The following ELMOD3 variants were observed in gnomAD, a reference collection of about 807,000 sequenced individuals.
ELMOD3 encodes the protein ELMO domain-containing protein 3.
In ELMOD3, 36 loss-of-function variants were observed where a neutral mutation model predicts 47.4. That is an observed-to-expected ratio of 0.76 (90% CI 0.58 to 1.00). The LOEUF (loss-of-function observed/expected upper bound fraction) is 1.00, where lower values mean the gene tolerates loss of function less well. Ranked by LOEUF, ELMOD3 falls within the 50% of genes least tolerant of loss-of-function variation. The pLI is 0.00. For synonymous variants in ELMOD3, 149 were observed against 183.5 expected, an observed-to-expected ratio of 0.81 and a Z score of 1.52; for missense variants, 404 against 463.8, an observed-to-expected ratio of 0.87 and a Z score of 1.18.
chr2:85,373,002 C>T (rs1024941034), intron 10 of ELMOD3: 1 of 151,976 alleles, frequency 6.6e-6, no homozygotes, highest in South Asian at 2.1e-4. Flanking sequence ...CTCCTGTAAT[C>T]CCAGCACATT....
chr2:85,373,327 G>T (rs1395529360), intron 10 of ELMOD3, among the ~76,000 whole-genome samples: 2 of 152,114 alleles, frequency 1.3e-5, no homozygotes, highest in African/African-American at 4.8e-5. Flanking sequence ...ATGGCAACAT[G>T]GTTAAGTCCC....
At chr2:85,384,587 C>A (rs913583863) in intron 11 of ELMOD3, among the ~76,000 whole-genome samples, 1 of 152,014 alleles carries the variant, frequency 6.6e-6, no homozygotes, top group African/African-American at 2.4e-5. Context: ...GCAATCCCTC[C>A]ATTTTATTTT....
intron 11 of ELMOD3, among the ~76,000 whole-genome samples, chr2:85,384,483 C>A (rs1002002356): frequency 6.6e-6 from 1 of 152,154 alleles, no homozygotes; most frequent in Non-Finnish European, 1.5e-5. Flanking sequence ...ACAGACTTAC[C>A]AACAGGCCAG....
chr2:85,362,988 C>A, intron 5 of ELMOD3, 109 bp from the exon 6 acceptor site: 1 of 678,928 alleles, frequency 1.5e-6, no homozygotes, highest in South Asian at 1.7e-5. Context: ...CACACTAGGT[C>A]CTTTTGGCCT....
At chr2:85,368,544 C>A in intron 6 of ELMOD3, 142 bp from the exon 7 acceptor site, 1 of 679,228 alleles carries the variant, frequency 1.5e-6, no homozygotes, top group Non-Finnish European at 2.5e-6. Flanking sequence ...ATAGCCACTG[C>A]ACTCCAGCCT....
At chr2:85,364,825 A>ATATATAT (rs375582916) in intron 6 of ELMOD3, among the ~76,000 whole-genome samples, 17 of 69,892 alleles carry the variant, frequency 2.4e-4, no homozygotes, top group African/African-American at 8.7e-4. Flanking sequence ...ATATATATAT[A>ATATATAT]TTTTTTTTTT....
chr2:85,355,975 C>T (rs190233187), intron 3 of ELMOD3: 3 of 152,372 alleles, frequency 2.0e-5, no homozygotes, highest in African/African-American at 7.2e-5. Context: ...GAGGGCTGAC[C>T]TCATAGAGAG....
chr2:85,356,929 A>C, intron 3 of ELMOD3, 38 bp from the exon 4 acceptor site: 6 of 247,744 alleles, frequency 2.4e-5, no homozygotes, highest in East Asian at 7.7e-5. Flanking sequence ...TGGTGAAACC[A>C]GTTTTCTTTT....
rs753285939 is a variant in ELMOD3, at chr2:85,360,266, C to CAAAAAAAAAAAAAAAAAAA, written c.55-1918_55-1900dup. ...GGGCAACAAGAGCAAAACTCCATCT[C>CAAAAAAAAAAAAAAAAAAA]AAAAAAAAAAAAAAAAAAAAGCCAC... On this transcript the variant is annotated intron_variant, in intron 4 of 13. Transcript: ENST00000409013. Among the ~76,000 whole-genome samples, 2 of 51,480 alleles carry CAAAAAAAAAAAAAAAAAAA rather than the reference C, an allele frequency of 3.9e-5. 1 individual carries two copies. The highest frequency in any genetic ancestry group is 1.6e-4 in the African/African-American group (2 of 12,500). The allele number at this position is 51,480 out of a possible 152,430, so 33.8% of individuals were successfully genotyped here.
Position 85,369,739 on chromosome 2 carries a change from G to A in ELMOD3, c.269G>A (p.Gly90Glu). The change falls in exon 8 of 14, where the codon GGG becomes GAG. Residue 90 changes from glycine to glutamate, a missense_variant and splice_region_variant. Physicochemically the swap from Gly to Glu is moderately conservative, Grantham distance 98 (BLOSUM62 -2). Transcript: ENST00000409013. ...EAVDTIQPET[G>E]SQASSEQPGQ... ...TGGCATGTCTTCCGTTTTGCCACAG[G>A]GAGCCAAGCTAGCTCAGAGCAGCCT... 3 of 1,613,090 alleles carry A rather than the reference G, an allele frequency of 1.9e-6. No homozygotes were observed. Among genetic ancestry groups the A allele is most frequent in the Non-Finnish European group, 1.7e-6 (2 of 1,179,538 alleles).
intron 13 of ELMOD3, 88 bp downstream of exon 13, chr2:85,390,353 C>G: frequency 6.2e-7 from 1 of 1,614,172 alleles, no homozygotes; most frequent in Non-Finnish European, 8.5e-7. Context: ...CTGGTTTTGG[C>G]TGCAGTTCTT....
intron 11 of ELMOD3, among the ~76,000 whole-genome samples, chr2:85,384,429 C>T (rs1259012644): frequency 6.6e-6 from 1 of 152,118 alleles, no homozygotes; most frequent in Non-Finnish European, 1.5e-5. Flanking sequence ...TTAGCCTCCA[C>T]GGGCCCAAGA....
chr2:85,391,311 G>A lies in ELMOD3; in HGVS notation c.*349G>A, dbSNP rs1686340048. On this transcript the variant is annotated 3_prime_UTR_variant, in exon 14 of 14. Coordinates refer to ENST00000409013, the MANE Select transcript of ELMOD3 (RefSeq NM_001135022.2). ...ATGTTCTGCAGATCCCCACATGGGA[G>A]GAGATTCCCAAGTAGAGGCAGCCAG... is the stretch of plus-strand genomic sequence containing the variant. The A allele has an allele frequency of 1.0e-5, 2 of 200,888 alleles. No individual in the cohort carries two copies. The highest frequency in any genetic ancestry group is 2.0e-4 in the South Asian group (2 of 10,218). 12.4% of individuals were successfully genotyped at this position (200,888 alleles called of 1,614,324 possible). A position where few individuals can be genotyped will look rare whatever the true frequency, so the allele number is the denominator to read the frequency against.
intron 11 of ELMOD3, among the ~76,000 whole-genome samples, chr2:85,380,488 T>C (rs1685463961): frequency 6.6e-6 from 1 of 152,234 alleles, no homozygotes; most frequent in South Asian, 2.1e-4. Flanking sequence ...GAAACCTGCA[T>C]TCAAGAGCCC....
chr2:85,374,180 G>C (rs1685005415), intron 10 of ELMOD3, among the ~76,000 whole-genome samples: 1 of 151,616 alleles, frequency 6.6e-6, no homozygotes, highest in East Asian at 1.9e-4. Flanking sequence ...TTATAAGTAA[G>C]GAGTTCATAT....
At position 85,376,178 on chromosome 2, in the gene ELMOD3, T is replaced by C. The variant is rs1363000999; in HGVS notation, c.608-1166T>C. Among the ~76,000 whole-genome samples, 1 of 152,226 alleles carries C rather than the reference T, an allele frequency of 6.6e-6. No homozygotes were observed. The highest frequency in any genetic ancestry group is 1.5e-5 in the Non-Finnish European group (1 of 68,036). The stretch of plus-strand genomic sequence containing the variant: ...TTGTCAAATAATTCCAACAACTGTG[T>C]CATCTCTGTTGGTGTCTGTTGATCA... On this transcript the variant is annotated intron_variant, in intron 10 of 13. Transcript: ENST00000409013. The surrounding 1 kb of genome is among the most constrained non-coding windows in gnomAD (Gnocchi z 4.2).
At chr2:85,389,209 A>G (rs1317153299) in intron 11 of ELMOD3, among the ~76,000 whole-genome samples, 2 of 152,328 alleles carry the variant, frequency 1.3e-5, no homozygotes, top group Admixed American at 6.5e-5. Context: ...CCTCTGTGTT[A>G]TCGTGAGATG....
intron 11 of ELMOD3, among the ~76,000 whole-genome samples, chr2:85,383,122 T>C (rs1685700078): frequency 6.6e-6 from 1 of 151,392 alleles, no homozygotes; most frequent in Admixed American, 6.6e-5. Context: ...TTTAGATCTT[T>C]TTTGTTTTTT....
intron 13 of ELMOD3, 138 bp from the exon 14 acceptor site, chr2:85,390,622 C>G: frequency 6.6e-7 from 1 of 1,505,054 alleles, no homozygotes; most frequent in South Asian, 1.4e-5. Context: ...GGTGATCTCT[C>G]CATCTGAGGC....
Sources: gnomAD v4.1 joint callset for allele counts (sites outside exome capture counted in the v4.1 genomes callset) on GRCh38, gnomAD v4.1.1 for gene constraint, Gnocchi (gnomAD v3.1) non-coding constraint, MANE v1.5 for transcripts, NCBI Gene and HGNC (gene_info 2026-07-23, HGNC 2026-07-21) for gene names.